Variants in HEATR5B observed in about 807,000 individuals in gnomAD.
The protein encoded by HEATR5B is HEAT repeat containing 5B.
HEATR5B carries 156 observed loss-of-function variants against 224.1 expected under a neutral mutation model. The observed-to-expected ratio is 0.70, with a 90% CI of 0.61 to 0.80. HEATR5B has a LOEUF of 0.80. Ranked by LOEUF, HEATR5B falls within the 30% of genes least tolerant of loss-of-function variation. The probability of loss-of-function intolerance (pLI) is 0.00; values close to 1 mark genes in which losing one functional copy is unlikely to be tolerated. For synonymous variants in HEATR5B, 1,027 were observed against 893.0 expected, an observed-to-expected ratio of 1.15 and a Z score of -2.68; for missense variants, 2,323 against 2,535.5, an observed-to-expected ratio of 0.92 and a Z score of 1.80.
Position 37,000,670 on chromosome 2 carries a change from C to T in HEATR5B, c.5461G>A (p.Ala1821Thr), listed in dbSNP as rs867984219. 3.7e-6 allele frequency: 6 copies of T among 1,614,166 alleles called. No homozygotes were observed. Among genetic ancestry groups the T allele is most frequent in the East Asian group, 4.5e-5 (2 of 44,876 alleles). The change falls in exon 33 of 36, where the codon GCC becomes ACC. Residue 1821 changes from alanine (A) to threonine (T), a missense_variant. This residue lies in a region of HEATR5B where 844 missense variants were observed against 812.9 expected (regional missense o/e 1.04). Transcript: ENST00000233099. ...GIKSIVTLSMAKTEAGVQKQW... is the reference protein window; with the variant it reads ...GIKSIVTLSMTKTEAGVQKQW... ...TTTTGAACGCCAGCCTCAGTTTTGG[C>T]CATTGAAAGTGTCACAATACTTTTA... is the stretch of plus-strand genomic sequence containing the variant.
At chr2:37,039,343 G>A (rs1669732128) in intron 20 of HEATR5B, among the ~76,000 whole-genome samples, 1 of 151,954 alleles carries the variant, frequency 6.6e-6, no homozygotes, top group Admixed American at 6.6e-5. Context: ...GCAGGCACCT[G>A]TAATCCCAGC....
chr2:36,997,856 A>G (rs1558706400), intron 33 of HEATR5B, among the ~76,000 whole-genome samples: 2 of 151,946 alleles, frequency 1.3e-5, no homozygotes, highest in African/African-American at 4.8e-5. Flanking sequence ...GTGAGCCACC[A>G]CGCCGACCAG....
At chr2:37,076,473 G>A (rs1005350298) in intron 4 of HEATR5B, among the ~76,000 whole-genome samples, 3 of 152,100 alleles carry the variant, frequency 2.0e-5, no homozygotes, top group African/African-American at 7.2e-5. Context: ...AGGTAAGAAG[G>A]AAAGGAAACA....
At chr2:37,040,266 T>C (rs1343000562) in intron 20 of HEATR5B, 63 bp downstream of exon 20, 1 of 1,280,006 alleles carries the variant, frequency 7.8e-7, no homozygotes, top group Non-Finnish European at 1.1e-6. Context: ...GATGGTGATA[T>C]TCAGGAAATT....
intron 33 of HEATR5B, among the ~76,000 whole-genome samples, chr2:36,995,001 C>T (rs1181617865): frequency 6.6e-6 from 1 of 151,728 alleles, no homozygotes; most frequent in Admixed American, 6.6e-5. Flanking sequence ...CTGTCCACCT[C>T]GGCCTCCCAA....
At chr2:37,020,480 ATTTC>A (rs1387157836) in intron 25 of HEATR5B, among the ~76,000 whole-genome samples, 171 bp downstream of exon 25, 2 of 152,222 alleles carry the variant, frequency 1.3e-5, no homozygotes, top group Non-Finnish European at 2.9e-5. Context: ...CTTGACACTT[ATTTC>A]TTCATTTGTG....
rs919432979 is a variant in HEATR5B at position 37,003,359 on chromosome 2, C to T, written c.5050+183G>A. On this transcript the variant is annotated intron_variant, in intron 31 of 35. Transcript: ENST00000233099. ...AGGCTAAGGCAGGAGGATCCTAAGCCCAGGAGTTACAGACTACACTGAACT... is the reference window on the plus strand; with the variant it reads ...AGGCTAAGGCAGGAGGATCCTAAGCTCAGGAGTTACAGACTACACTGAACT... 4.0e-5 allele frequency among the ~76,000 whole-genome samples: 6 copies of T among 151,562 alleles called. No homozygotes were observed. In the Admixed American group the frequency reaches 4.0e-4, roughly 10 times the overall value.
rs138376687 is a variant in HEATR5B, at chr2:36,982,265, A to T, written c.5912-471T>A. Among the ~76,000 whole-genome samples, 234 of 152,278 alleles carry T rather than the reference A, an allele frequency of 1.5e-3. 2 individuals are homozygous for T. Among genetic ancestry groups the T allele is most frequent in the African/African-American group, 5.3e-3 (221 of 41,552 alleles). ...TTTTTTCCTATTTCATCATCCCCCA[A>T]AACTCACAGTGAGGGGAAATTCCTC... On this transcript the variant is annotated intron_variant, in intron 35 of 35. Coordinates refer to ENST00000233099, the MANE Select transcript of HEATR5B (RefSeq NM_019024.3).
chr2:37,025,807 A>C (rs1487254492), intron 24 of HEATR5B, among the ~76,000 whole-genome samples: 2 of 152,220 alleles, frequency 1.3e-5, no homozygotes, highest in East Asian at 3.8e-4. Context: ...TAGTATGCAC[A>C]CTTATGATTC....
intron 2 of HEATR5B, among the ~76,000 whole-genome samples, chr2:37,080,233 A>G (rs1672472550): frequency 1.3e-5 from 2 of 152,008 alleles, no homozygotes; most frequent in Non-Finnish European, 2.9e-5. Context: ...CCACTATAGA[A>G]CTCTGTATGT....
intron 4 of HEATR5B, 47 bp from the exon 5 acceptor site, chr2:37,075,681 A>G (rs1357048067): frequency 1.3e-6 from 2 of 1,506,660 alleles, no homozygotes; most frequent in East Asian, 4.7e-5. Flanking sequence ...TAAATTCCAT[A>G]TTTAAACAAG....
In HEATR5B at chr2:37,011,869, T is replaced by A. The variant is rs372445957; in HGVS notation, c.4284+1972A>T. ...ACCTCTTTTCCATATTTTGGATATTTTTCACTAGACTACAGGCCCAGAAAT... is the reference window on the plus strand; with the variant it reads ...ACCTCTTTTCCATATTTTGGATATTATTCACTAGACTACAGGCCCAGAAAT... On this transcript the variant is annotated intron_variant, in intron 27 of 35. Transcript: ENST00000233099. Among the ~76,000 whole-genome samples the A allele has an allele frequency of 1.7e-3, 258 of 152,322 alleles. 2 individuals are homozygous for A. Among genetic ancestry groups the A allele is most frequent in the South Asian group, 0.012 (59 of 4,820 alleles).
At chr2:37,080,210 A>C (rs1012160366) in intron 2 of HEATR5B, among the ~76,000 whole-genome samples, 7 of 152,222 alleles carry the variant, frequency 4.6e-5, no homozygotes, top group Non-Finnish European at 7.3e-5. Flanking sequence ...CACATCAGGT[A>C]ATCTCTTGCA....
chr2:37,070,190 G>A (rs769744524), intron 7 of HEATR5B, 40 bp downstream of exon 7: 63 of 1,605,620 alleles, frequency 3.9e-5, no homozygotes, highest in African/African-American at 2.1e-4. Flanking sequence ...GTGAGCCACC[G>A]TGCCTGGCCA....
chr2:37,029,936 AAAAT>A (rs150155666), intron 22 of HEATR5B, among the ~76,000 whole-genome samples: 21,834 of 142,414 alleles, frequency 0.15, 2,231 homozygotes, highest in East Asian at 0.5. Flanking sequence ...TCTATCTCAA[AAAAT>A]AAATAAATAA....
rs765180566 is a variant in HEATR5B at position 37,061,984 on chromosome 2, G to A, written c.1651C>T (p.Arg551Cys). The change falls in exon 11 of 36, where the codon CGC becomes TGC. Residue 551 changes from arginine to cysteine, a missense_variant. Around this residue, in one of 12 missense-constraint regions of HEATR5B, gnomAD observed 502 missense variants for 517.8 expected, o/e 0.97. Transcript: ENST00000233099. ...AAQNSRLSLQRTQAGWLLLGA... is the reference protein window; with the variant it reads ...AAQNSRLSLQCTQAGWLLLGA... Reference sequence around the variant, plus strand: ...AGTAAAAGCCAGCCAGCTTGGGTGCGCTGTAAAGATAGCCTGCTATTTTGG... The same window carrying A: ...AGTAAAAGCCAGCCAGCTTGGGTGCACTGTAAAGATAGCCTGCTATTTTGG... 9.3e-6 allele frequency: 15 copies of A among 1,613,700 alleles called. No homozygotes were observed. The highest frequency in any genetic ancestry group is 1.3e-5 in the African/African-American group (1 of 75,022).
intron 21 of HEATR5B, among the ~76,000 whole-genome samples, chr2:37,033,631 C>G (rs1427975614): frequency 3.3e-5 from 5 of 152,136 alleles, no homozygotes; most frequent in Admixed American, 1.3e-4. Context: ...ATATAGTACA[C>G]TCTAAAACAT....
intron 28 of HEATR5B, 65 bp from the exon 29 acceptor site, chr2:37,007,369 A>AGG: frequency 7.0e-7 from 1 of 1,420,250 alleles, no homozygotes; most frequent in Non-Finnish European, 9.2e-7. Flanking sequence ...TTTGAGACCA[A>AGG]GTCTCGTTCT....
In HEATR5B at chr2:36,988,669, A is replaced by G. The variant is rs1302008653; in HGVS notation, c.5888T>C (p.Val1963Ala). 3 of 1,613,928 alleles carry G rather than the reference A, an allele frequency of 1.9e-6. No individual in the cohort carries two copies. The South Asian group carries it at 3.3e-5, about 18-fold the overall frequency. ...QEGIKVLETL[V>A]ALGEEQNRVQ... ...ACTGTTTTGTTCTTCACCAAGAGCA[A>G]CCAGTGTTTCAAGAACTTTTATTCC... The change falls in exon 35 of 36, where the codon GTT becomes GCT. Residue 1963 changes from valine to alanine, a missense_variant. Coordinates refer to ENST00000233099, the MANE Select transcript of HEATR5B (RefSeq NM_019024.3).
Sources: gnomAD v4.1 joint callset for allele counts (sites outside exome capture counted in the v4.1 genomes callset) on GRCh38, gnomAD v4.1.1 for gene constraint, gnomAD v4.1.1 regional missense constraint, MANE v1.5 for transcripts, NCBI Gene and HGNC (gene_info 2026-07-23, HGNC 2026-07-21) for gene names.